Variants in PSPC1 observed in about 807,000 individuals in gnomAD.
PSPC1 encodes the protein paraspeckle component 1.
Under a neutral mutation model 51.6 loss-of-function variants are expected in PSPC1, and 14 were observed. The observed-to-expected ratio is 0.27, with a 90% CI of 0.18 to 0.42. PSPC1 has a LOEUF of 0.42. Among genes scored for constraint, PSPC1 ranks in the 10% least tolerant of loss-of-function variants. The pLI is 1.00. For missense variants in PSPC1, 406 were observed against 701.1 expected (o/e 0.58, Z 4.75); for synonymous variants, 193 against 231.9 (o/e 0.83, Z 1.53).
intron 7 of PSPC1, among the ~76,000 whole-genome samples, chr13:19,677,071 A>G (rs1718850787): frequency 6.6e-6 from 1 of 152,054 alleles, no homozygotes; most frequent in South Asian, 2.1e-4. Flanking sequence ...CGTCTCTACT[A>G]AAAATACAAA....
chr13:19,685,696 A>C (rs756114256), intron 6 of PSPC1, among the ~76,000 whole-genome samples: 7 of 152,212 alleles, frequency 4.6e-5, no homozygotes, highest in African/African-American at 7.2e-5. Flanking sequence ...TCAAGAGGAG[A>C]CTGGAATAAG....
At chr13:19,707,347 A>G (rs1330138505) in intron 7 of PSPC1, among the ~76,000 whole-genome samples, 1 of 152,224 alleles carries the variant, frequency 6.6e-6, no homozygotes, top group Non-Finnish European at 1.5e-5. Flanking sequence ...AAATAAATTT[A>G]AAGATATAAA....
Position 19,766,263 on chromosome 13 carries a change from T to C in PSPC1, c.674+5979A>G, listed in dbSNP as rs546059540. On this transcript the variant is annotated intron_variant, in intron 2 of 8. Transcript: ENST00000338910. ...TGGTGAACATCTGTAATCCCAGCTATTCAGGCAGCTGAGGCACATGAATCG... is the reference window on the plus strand; with the variant it reads ...TGGTGAACATCTGTAATCCCAGCTACTCAGGCAGCTGAGGCACATGAATCG... 5.3e-5 allele frequency among the ~76,000 whole-genome samples: 8 copies of C among 152,196 alleles called. No homozygotes were observed. In the East Asian group the frequency reaches 5.8e-4, roughly 11 times the overall value.
Position 19,772,563 on chromosome 13 carries a change from A to G in PSPC1, c.373-20T>C. The G allele has an allele frequency of 1.9e-6, 3 of 1,562,616 alleles. No individual in the cohort carries two copies. Among genetic ancestry groups the G allele is most frequent in the Non-Finnish European group, 2.6e-6 (3 of 1,156,196 alleles). ...GGATTCCTTTTTAGGAAGAAAAAAC[A>G]TTTTTAAAAGATGACAGTAACAGAA... On this transcript the variant is annotated intron_variant, in intron 1 of 8. Transcript: ENST00000338910.
chr13:19,746,003 T>A (rs1885935803), intron 4 of PSPC1, among the ~76,000 whole-genome samples: 1 of 150,378 alleles, frequency 6.6e-6, no homozygotes, highest in African/African-American at 2.4e-5. Context: ...ATTTGTTTTG[T>A]TTTTTGTTTT....
At chr13:19,756,912 A>G (rs1887133894) in intron 3 of PSPC1, among the ~76,000 whole-genome samples, 1 of 151,658 alleles carries the variant, frequency 6.6e-6, no homozygotes, top group Non-Finnish European at 1.5e-5. Context: ...GGCGGATCAC[A>G]AGGTCAGGAA....
Position 19,738,920 on chromosome 13 carries a change from A to AAC in PSPC1, c.1052+2644_1052+2645insGT, listed in dbSNP as rs1435642920. ...GACTCCATCTCAAAAAAAAAAAAAA[A>AAC]AGAGAATGACAAGTTTAAAAAGTCT... On this transcript the variant is annotated intron_variant, in intron 5 of 8. Coordinates refer to ENST00000338910, the MANE Select transcript of PSPC1 (RefSeq NM_001354909.2). 3.0e-4 allele frequency among the ~76,000 whole-genome samples: 45 copies of AAC among 151,782 alleles called. 1 individual carries two copies. The highest frequency in any genetic ancestry group is 1.0e-3 in the African/African-American group (42 of 41,430).
chr13:19,717,899 T>C (rs1313229423), intron 6 of PSPC1, among the ~76,000 whole-genome samples: 12 of 146,490 alleles, frequency 8.2e-5, no homozygotes, highest in Admixed American at 8.2e-4. Flanking sequence ...TAAATAAGGG[T>C]CAGGCATGGT....
In PSPC1 at chr13:19,730,295, C is replaced by G. The variant is rs1376413802; in HGVS notation, c.1102G>C (p.Glu368Gln). 3 of 1,614,078 alleles carry G rather than the reference C, an allele frequency of 1.9e-6. No individual in the cohort carries two copies. The highest frequency in any genetic ancestry group is 8.5e-7 in the Non-Finnish European group (1 of 1,179,988). Reference sequence around the variant, plus strand: ...TGCTGTCGCCTCAGTTCCTCCTGTTCTCTGTGTCGGATCATTTCTTCCTCA... The same window carrying G: ...TGCTGTCGCCTCAGTTCCTCCTGTTGTCTGTGTCGGATCATTTCTTCCTCA... Reference protein sequence around the residue: ...RREEEMIRHREQEELRRQQEG... With the variant: ...RREEEMIRHRQQEELRRQQEG... The change falls in exon 6 of 9, where the codon GAA becomes CAA. Residue 368 changes from glutamate (E) to glutamine (Q), a missense_variant. Physicochemically the swap from Glu to Gln is conservative, Grantham distance 29. This residue lies in a region of PSPC1 where 61 missense variants were observed against 78.4 expected (regional missense o/e 0.78). Transcript: ENST00000338910.
chr13:19,772,143 C>T (rs1275954657), intron 2 of PSPC1, 99 bp downstream of exon 2: 2 of 1,288,750 alleles, frequency 1.6e-6, no homozygotes, highest in Non-Finnish European at 2.2e-6. Context: ...CACCTACTTA[C>T]CATATGCTAG....
chr13:19,708,511 G>A (rs2137763170), intron 7 of PSPC1, among the ~76,000 whole-genome samples: 1 of 152,238 alleles, frequency 6.6e-6, no homozygotes, highest in Admixed American at 6.5e-5. Context: ...CCTACGATAT[G>A]CCACACTTGC....
At chr13:19,735,167 C>T (rs1451775852) in intron 5 of PSPC1, among the ~76,000 whole-genome samples, 1 of 151,976 alleles carries the variant, frequency 6.6e-6, no homozygotes, top group Admixed American at 6.6e-5. Context: ...CAAAAATTAG[C>T]CAGGCAGGGT....
At chr13:19,737,351 C>T (rs916509008) in intron 5 of PSPC1, 1 of 152,182 alleles carries the variant, frequency 6.6e-6, no homozygotes, top group Non-Finnish European at 1.5e-5. Flanking sequence ...TGTAACAGTT[C>T]AGTCTTTCTA....
chr13:19,674,452 C>T (rs1254399751), downstream of PSPC1, among the ~76,000 whole-genome samples: 2 of 152,206 alleles, frequency 1.3e-5, no homozygotes, highest in South Asian at 2.1e-4. Context: ...TCAGGTGCTA[C>T]TTCTGAGTGA....
intron 6 of PSPC1, among the ~76,000 whole-genome samples, chr13:19,682,847 A>G (rs1877423859): frequency 6.6e-6 from 1 of 151,928 alleles, no homozygotes; most frequent in Non-Finnish European, 1.5e-5. Flanking sequence ...GAATCACTTG[A>G]GCCCAGGAGT....
intron 6 of PSPC1, among the ~76,000 whole-genome samples, chr13:19,688,601 T>C (rs564583221): frequency 2.0e-5 from 3 of 152,264 alleles, no homozygotes; most frequent in Admixed American, 2.0e-4. Flanking sequence ...TTGTCTGGAG[T>C]TGCTGGAAGA....
intron 1 of PSPC1, among the ~76,000 whole-genome samples, chr13:19,777,101 G>GAC (rs1224283616): frequency 2.2e-4 from 28 of 129,038 alleles, no homozygotes; most frequent in East Asian, 7.6e-4. Flanking sequence ...CAGCCTGGGT[G>GAC]ACAGCGAGGC....
chr13:19,734,839 G>A (rs756856613), intron 5 of PSPC1, among the ~76,000 whole-genome samples: 3 of 151,058 alleles, frequency 2.0e-5, no homozygotes, highest in East Asian at 3.9e-4. Context: ...TTAGCCGGGC[G>A]TGGTGGCGTG....
At chr13:19,766,102 G>A (rs1888044434) in intron 2 of PSPC1, among the ~76,000 whole-genome samples, 1 of 152,228 alleles carries the variant, frequency 6.6e-6, no homozygotes, top group Non-Finnish European at 1.5e-5. Context: ...GCTGGGCGCA[G>A]TGGCTCACGC....
Sources: allele counts gnomAD v4.1 joint callset (sites outside exome capture counted in the v4.1 genomes callset), GRCh38; gene constraint gnomAD v4.1.1; regional missense constraint gnomAD v4.1.1; transcripts MANE v1.5; gene names NCBI Gene and HGNC (gene_info 2026-07-23, HGNC 2026-07-21).